Variants in PILRB observed in about 807,000 individuals in gnomAD.
The protein encoded by PILRB is paired immunoglobulin-like type 2 receptor beta.
PILRB carries 21 observed loss-of-function variants against 20.5 expected under a neutral mutation model. That is an observed-to-expected ratio of 1.02 (90% CI 0.72 to 1.47). The LOEUF (loss-of-function observed/expected upper bound fraction) is 1.47. Among genes scored for constraint, PILRB ranks in the 40% most tolerant of loss-of-function variants. The pLI, the probability that PILRB is intolerant of heterozygous loss-of-function variation, is 0.00. For missense variants in PILRB, 253 were observed against 272.1 expected (o/e 0.93, Z 0.49); for synonymous variants, 133 against 115.1 (o/e 1.16, Z -0.99).
At position 100,358,117 on chromosome 7, in the gene PILRB, A is replaced by G. The variant is rs1025839056; in HGVS notation, c.-186A>G. The stretch of plus-strand genomic sequence containing the variant: ...TTTTGCAATAAGAAGCCAGATGGAT[A>G]AAGGAAGTGCTGGTCACCCTGGAGG... On this transcript the variant is annotated 5_prime_UTR_variant, in exon 1 of 4. Coordinates refer to ENST00000609309, the MANE Select transcript of PILRB (RefSeq NM_178238.4). The G allele has an allele frequency of 3.5e-5, 22 of 626,574 alleles. No individual in the cohort carries two copies. The highest frequency in any genetic ancestry group is 5.1e-5 in the Non-Finnish European group (18 of 355,478). The allele number at this position is 626,574 out of a possible 1,614,324, so 38.8% of individuals were successfully genotyped here.
intron 3 of PILRB, among the ~76,000 whole-genome samples, chr7:100,365,135 G>C (rs947144732): frequency 6.6e-6 from 1 of 152,192 alleles, no homozygotes; most frequent in Non-Finnish European, 1.5e-5. Context: ...GAGTAGCTGG[G>C]ATCACAGGTG....
At chr7:100,366,194 T>C (rs891760074) in intron 3 of PILRB, among the ~76,000 whole-genome samples, 1 of 152,184 alleles carries the variant, frequency 6.6e-6, no homozygotes, top group Non-Finnish European at 1.5e-5. Context: ...CCTCAGGTGA[T>C]CTGCCCACCT....
At chr7:100,366,231 C>T (rs779526838) in intron 3 of PILRB, among the ~76,000 whole-genome samples, 4 of 152,262 alleles carry the variant, frequency 2.6e-5, no homozygotes, top group Non-Finnish European at 2.9e-5. Context: ...GGATTATCAC[C>T]GCGTGAGCCA....
chr7:100,360,373 A>G (rs1375853207), intron 3 of PILRB, among the ~76,000 whole-genome samples: 3 of 107,730 alleles, frequency 2.8e-5, no homozygotes, highest in East Asian at 4.1e-4. Flanking sequence ...GGGTGGGAGG[A>G]GAGAGAGGTA....
At chr7:100,360,167 G>C (rs1451667093) in intron 3 of PILRB, among the ~76,000 whole-genome samples, 5 of 152,254 alleles carry the variant, frequency 3.3e-5, no homozygotes, top group African/African-American at 1.2e-4. Context: ...AGAACAGAGA[G>C]AGGAGAAGGG....
intron 3 of PILRB, among the ~76,000 whole-genome samples, chr7:100,365,840 A>G (rs1291478629): frequency 6.6e-6 from 1 of 152,026 alleles, no homozygotes; most frequent in Non-Finnish European, 1.5e-5. Context: ...TTTGGGTTTC[A>G]GTTTCGCAAG....
chr7:100,360,405 G>A (rs1001629617), intron 3 of PILRB, among the ~76,000 whole-genome samples: 4 of 152,242 alleles, frequency 2.6e-5, no homozygotes, highest in African/African-American at 9.6e-5. Flanking sequence ...CTTCCCACAG[G>A]AGGTGGCATC....
intron 3 of PILRB, among the ~76,000 whole-genome samples, chr7:100,364,224 C>T (rs928065332): frequency 2.6e-5 from 4 of 151,988 alleles, no homozygotes; most frequent in African/African-American, 7.3e-5. Context: ...GACCACTCGA[C>T]GAAGAATAGT....
At chr7:100,361,337 G>C (rs959298438) in intron 3 of PILRB, among the ~76,000 whole-genome samples, 1 of 152,172 alleles carries the variant, frequency 6.6e-6, no homozygotes, top group Non-Finnish European at 1.5e-5. Flanking sequence ...AGAGGACAAG[G>C]CTCCAGGCAG....
At chr7:100,367,294 G>A in intron 3 of PILRB, 55 bp from the exon 4 acceptor site, 3 of 779,974 alleles carry the variant, frequency 3.8e-6, no homozygotes, top group East Asian at 2.4e-5. Context: ...CAACTGCCTC[G>A]CCTGCCTCAC....
intron 3 of PILRB, among the ~76,000 whole-genome samples, chr7:100,364,231 T>G (rs1210947544): frequency 6.6e-6 from 1 of 152,108 alleles, no homozygotes; most frequent in Non-Finnish European, 1.5e-5. Context: ...CGACGAAGAA[T>G]AGTTTCTTCA....
chr7:100,364,961 A>G (rs769553639), intron 3 of PILRB, among the ~76,000 whole-genome samples: 1 of 152,132 alleles, frequency 6.6e-6, no homozygotes, highest in Non-Finnish European at 1.5e-5. Context: ...CTATTAAAAA[A>G]AAAAAGTTCT....
In PILRB at chr7:100,360,324, A is replaced by G. The variant is rs2130100822; in HGVS notation, c.655+787A>G. Among the ~76,000 whole-genome samples the G allele has an allele frequency of 2.6e-5, 4 of 152,332 alleles. No individual in the cohort carries two copies. The South Asian group carries it at 8.3e-4, about 32-fold the overall frequency. ...GAGTTGTCAGTTGCCTCAAGGACTAATTGCTTCATTGAGAAAGAACTATGG... is the reference window on the plus strand; with the variant it reads ...GAGTTGTCAGTTGCCTCAAGGACTAGTTGCTTCATTGAGAAAGAACTATGG... On this transcript the variant is annotated intron_variant, in intron 3 of 3. Transcript: ENST00000609309.
intron 3 of PILRB, among the ~76,000 whole-genome samples, chr7:100,366,281 T>A (rs1320455428): frequency 2.0e-5 from 3 of 152,110 alleles, no homozygotes; most frequent in African/African-American, 7.2e-5. Flanking sequence ...GGAGTGAAAG[T>A]TGCAATATGA....
Position 100,359,087 on chromosome 7 carries a change from C to T in PILRB, c.454+8C>T, listed in dbSNP as rs377566439. 1.4e-5 allele frequency: 23 copies of T among 1,613,792 alleles called. No individual in the cohort carries two copies. ...AACTCACCATCACCCAGGGTGAGTC[C>T]AGCTGCCCTGACACCTGCCTTGCCC... On this transcript the variant is annotated splice_region_variant and intron_variant, in intron 2 of 3. Transcript: ENST00000609309.
Position 100,359,405 on chromosome 7 carries a change from A to C in PILRB, c.523A>C (p.Ser175Arg), listed in dbSNP as rs934857954. 6.2e-7 allele frequency: 1 copy of C among 1,614,034 alleles called. No individual in the cohort carries two copies. Among genetic ancestry groups the C allele is most frequent in the Non-Finnish European group, 8.5e-7 (1 of 1,180,032 alleles). ...TTIAGLRVTESKGHSESWHLS... is the reference protein window; with the variant it reads ...TTIAGLRVTERKGHSESWHLS... ...CATAGCCGGCCTCAGGGTCACAGAAAGCAAAGGGCACTCAGAATCATGGCA... is the reference window on the plus strand; with the variant it reads ...CATAGCCGGCCTCAGGGTCACAGAACGCAAAGGGCACTCAGAATCATGGCA... Residue 175 changes from serine to arginine, a missense_variant, in exon 3 of 4, where the codon AGC becomes CGC. Physicochemically the swap from Ser to Arg is moderately radical, Grantham distance 110. Transcript: ENST00000609309.
intron 3 of PILRB, among the ~76,000 whole-genome samples, chr7:100,365,881 C>A (rs1305105061): frequency 6.6e-6 from 1 of 151,248 alleles, no homozygotes; most frequent in Admixed American, 6.6e-5. Flanking sequence ...TGTCTCACAA[C>A]CATGTGAATA....
At position 100,359,082 on chromosome 7, in the gene PILRB, G is replaced by T. The variant is rs373519850; in HGVS notation, c.454+3G>T. The T allele has an allele frequency of 6.2e-7, 1 of 1,613,984 alleles. No homozygotes were observed. Among genetic ancestry groups the T allele is most frequent in the East Asian group, 2.2e-5 (1 of 44,880 alleles). ...GACCAAACTCACCATCACCCAGGGT[G>T]AGTCCAGCTGCCCTGACACCTGCCT... is the stretch of plus-strand genomic sequence containing the variant. On this transcript the variant is annotated splice_donor_region_variant and intron_variant, in intron 2 of 3. Transcript: ENST00000609309.
In PILRB at chr7:100,358,167, G is replaced by A. The variant is rs781031103; in HGVS notation, c.-136G>A. 18 of 956,916 alleles carry A rather than the reference G, an allele frequency of 1.9e-5. No homozygotes were observed. Among genetic ancestry groups the A allele is most frequent in the African/African-American group, 8.1e-5 (5 of 61,944 alleles). 59.3% of individuals were successfully genotyped at this position (956,916 alleles called of 1,614,324 possible). ...GTGTACTGGTTTGGGGAAGGTCCCC[G>A]GCCCCCACAGCCCTCTGGGGAGCCT... On this transcript the variant is annotated 5_prime_UTR_variant, in exon 1 of 4. Transcript: ENST00000609309.
Sources: gnomAD v4.1 joint callset for allele counts (sites outside exome capture counted in the v4.1 genomes callset) on GRCh38, gnomAD v4.1.1 for gene constraint, MANE v1.5 for transcripts, NCBI Gene and HGNC (gene_info 2026-07-23, HGNC 2026-07-21) for gene names.